Variants in CCDC191 observed in about 807,000 individuals in gnomAD.
CCDC191 encodes coiled-coil domain containing 191, also known as coiled-coil domain-containing protein 191.
A neutral mutation model predicts 114.0 loss-of-function variants in CCDC191; 99 were observed. That is an observed-to-expected ratio of 0.87 (90% CI 0.74 to 1.03). The LOEUF is 1.03. Ranked by LOEUF, CCDC191 falls within the 50% of genes least tolerant of loss-of-function variation. The pLI is 0.00. For synonymous variants in CCDC191, 351 were observed against 376.0 expected (o/e 0.93, Z 0.77); for missense variants, 973 against 1,087.0 (o/e 0.90, Z 1.47).
intron 7 of CCDC191, among the ~76,000 whole-genome samples, chr3:114,027,275 T>C (rs986755321): frequency 2.6e-5 from 4 of 152,184 alleles, no homozygotes; most frequent in African/African-American, 9.7e-5. Context: ...TATTAAATAA[T>C]GTGGCCCAAA....
chr3:114,004,696 G>C lies in CCDC191; in HGVS notation c.1919C>G (p.Ser640Cys). ...GTEGRSDSRN[S>C]LSGLRRKPKQ... ...TGGTTTCCTTCTGAGTCCAGAAAGA[G>C]AATTTCGGGAGTCACTTCTGCCTTC... Residue 640 changes from serine to cysteine, a missense_variant, in exon 11 of 17, where the codon TCT (serine) becomes TGT (cysteine). Transcript: ENST00000295878. 6.2e-7 allele frequency: 1 copy of C among 1,612,674 alleles called. No individual in the cohort carries two copies.
intron 16 of CCDC191, 29 bp downstream of exon 16, chr3:113,978,157 G>A: frequency 6.2e-7 from 1 of 1,612,026 alleles, no homozygotes; most frequent in African/African-American, 1.3e-5. Flanking sequence ...AAGTCAGAGA[G>A]TGAATTTTCC....
At chr3:114,051,995 A>G (rs907150398) in intron 2 of CCDC191, among the ~76,000 whole-genome samples, 1 of 152,252 alleles carries the variant, frequency 6.6e-6, no homozygotes, top group Non-Finnish European at 1.5e-5. Context: ...TTTGGTCAGG[A>G]AGTCATTTAT....
In CCDC191 at chr3:113,984,789, T is replaced by C. The variant is rs185022043; in HGVS notation, c.2164-3996A>G. 6 of 152,354 alleles carry C rather than the reference T, an allele frequency of 3.9e-5. No homozygotes were observed. In the East Asian group the frequency reaches 1.2e-3, roughly 29 times the overall value. 9.4% of individuals were successfully genotyped at this position (152,354 alleles called of 1,614,324 possible). A position where few individuals can be genotyped will look rare whatever the true frequency, so the allele number is the denominator to read the frequency against. On this transcript the variant is annotated intron_variant, in intron 13 of 16. Transcript: ENST00000295878. ...AAAAGGAAAATGTTTGGGCTTGATA[T>C]AGTGAGAGAAATAAAATGATCTCTT...
intron 7 of CCDC191, among the ~76,000 whole-genome samples, chr3:114,023,375 C>T (rs1056803361): frequency 1.3e-5 from 2 of 152,034 alleles, no homozygotes; most frequent in African/African-American, 4.8e-5. Context: ...CATATGGAAC[C>T]AAAAAAGAGC....
At chr3:114,053,473 C>CTAA (rs1221090822) in intron 2 of CCDC191, 124 bp downstream of exon 2, 1 of 491,642 alleles carries the variant, frequency 2.0e-6, no homozygotes, top group Admixed American at 4.1e-5. Context: ...AGGCAACTTA[C>CTAA]ATAGTCACAC....
chr3:114,031,470 C>T lies in CCDC191; in HGVS notation c.972+156G>A, dbSNP rs12629903. 7.0e-4 allele frequency among the ~76,000 whole-genome samples: 107 copies of T among 152,290 alleles called. No individual in the cohort carries two copies. The East Asian group carries it at 0.019, about 27-fold the overall frequency. On this transcript the variant is annotated intron_variant, in intron 7 of 16. Coordinates refer to ENST00000295878, the MANE Select transcript of CCDC191 (RefSeq NM_020817.2). ...GGGGATTTGTGTACTGCCCTGCATA[C>T]CAGGTCAGCTGGGCACAAAGAACAA...
Position 114,018,825 on chromosome 3 carries a change from T to A in CCDC191, c.1016A>T (p.Asp339Val). ...YFAAWHKLIL[D>V]HRIKLGKAGT... is the part of the protein sequence containing the mutation. ...AGCTTTCCCCAGCTTAATCCTATGATCAAGAATCAGCTTGTGCCAGGCAGC... is the reference window on the plus strand; with the variant it reads ...AGCTTTCCCCAGCTTAATCCTATGAACAAGAATCAGCTTGTGCCAGGCAGC... The change falls in exon 8 of 17, where the codon GAT becomes GTT. Residue 339 changes from aspartate to valine, a missense_variant. Coordinates refer to ENST00000295878, the MANE Select transcript of CCDC191 (RefSeq NM_020817.2). 6.2e-7 allele frequency: 1 copy of A among 1,613,772 alleles called. No homozygotes were observed. The highest frequency in any genetic ancestry group is 8.5e-7 in the Non-Finnish European group (1 of 1,179,818).
chr3:114,039,045 A>G (rs1423639181), intron 4 of CCDC191, among the ~76,000 whole-genome samples: 1 of 152,166 alleles, frequency 6.6e-6, no homozygotes, highest in African/African-American at 2.4e-5. Context: ...AGTTAAAATA[A>G]AATAAAGCAC....
At chr3:113,985,002 A>T (rs2075300220) in intron 13 of CCDC191, among the ~76,000 whole-genome samples, 1 of 152,184 alleles carries the variant, frequency 6.6e-6, no homozygotes, top group African/African-American at 2.4e-5. Flanking sequence ...CGGAGGCAGA[A>T]GCCACTGGAT....
intron 16 of CCDC191, among the ~76,000 whole-genome samples, chr3:113,972,143 A>G (rs909339471): frequency 2.0e-5 from 3 of 151,846 alleles, no homozygotes; most frequent in South Asian, 2.1e-4. Flanking sequence ...TTGCTTTTCT[A>G]TATTTCCTTG....
intron 7 of CCDC191, among the ~76,000 whole-genome samples, chr3:114,021,940 C>T (rs1248989250): frequency 2.0e-5 from 3 of 152,088 alleles, no homozygotes; most frequent in Non-Finnish European, 4.4e-5. Flanking sequence ...CAAATATAGT[C>T]AGGCACTCTT....
At position 114,034,973 on chromosome 3, in the gene CCDC191, C is replaced by T. The variant is rs773981418; in HGVS notation, c.770G>A (p.Arg257Gln). Reference protein sequence around the residue: ...EEIQREMVKLRREIIERRRTV... With the variant: ...EEIQREMVKLQREIIERRRTV... ...GCGTCTCCTCTCAATTATCTCCCTC[C>T]GCAGCTTCACCATCTCCCTTTGAAT... Residue 257 changes from arginine to glutamine, a missense_variant, in exon 6 of 17, where the codon CGG becomes CAG. Coordinates refer to ENST00000295878, the MANE Select transcript of CCDC191 (RefSeq NM_020817.2). The T allele has an allele frequency of 4.3e-6, 7 of 1,613,900 alleles. No homozygotes were observed. The highest frequency in any genetic ancestry group is 1.1e-5 in the South Asian group (1 of 91,078).
intron 6 of CCDC191, 134 bp downstream of exon 6, chr3:114,034,791 A>T: frequency 1.3e-6 from 1 of 742,974 alleles, no homozygotes; most frequent in Non-Finnish European, 2.3e-6. Context: ...TTAATTTGTT[A>T]AGATGGTGGA....
At chr3:114,029,731 A>G (rs1219585150) in intron 7 of CCDC191, among the ~76,000 whole-genome samples, 1 of 152,206 alleles carries the variant, frequency 6.6e-6, no homozygotes, top group Non-Finnish European at 1.5e-5. Context: ...TATACAGAGA[A>G]GGGCACAGTA....
intron 4 of CCDC191, 47 bp downstream of exon 4, chr3:114,042,656 C>T: frequency 6.3e-6 from 9 of 1,429,310 alleles, no homozygotes; most frequent in East Asian, 2.7e-5. Context: ...ACTTCTTAGA[C>T]ACATTCATTA....
At chr3:114,003,839 C>T (rs1198035453) in intron 11 of CCDC191, 1 of 985,228 alleles carries the variant, frequency 1.0e-6, no homozygotes, top group Admixed American at 6.1e-5. Flanking sequence ...ATTTACAAAC[C>T]ACAATATAAT....
chr3:114,022,736 C>A (rs1448358770), intron 7 of CCDC191, among the ~76,000 whole-genome samples: 3 of 151,972 alleles, frequency 2.0e-5, no homozygotes, highest in Non-Finnish European at 4.4e-5. Flanking sequence ...GGGCAGGAGA[C>A]CCCACAGATG....
intron 1 of CCDC191, 141 bp downstream of exon 1, chr3:114,056,236 T>C: frequency 1.3e-6 from 1 of 743,806 alleles, no homozygotes; most frequent in Non-Finnish European, 2.3e-6. Flanking sequence ...CTCAGGGTAA[T>C]GCTGGCTTTG....
Sources: allele counts gnomAD v4.1 joint callset (sites outside exome capture counted in the v4.1 genomes callset), GRCh38; gene constraint gnomAD v4.1.1; transcripts MANE v1.5; gene names NCBI Gene and HGNC (gene_info 2026-07-23, HGNC 2026-07-21).